The following PRMT7 variants were observed in gnomAD, a reference collection of about 807,000 sequenced individuals.
PRMT7 encodes protein arginine methyltransferase 7.
Under a neutral mutation model 85.4 loss-of-function variants are expected in PRMT7, and 75 were observed. That is an observed-to-expected ratio of 0.88 (90% CI 0.73 to 1.06). PRMT7 has a LOEUF of 1.06. PRMT7 is among the 50% of genes least tolerant of loss of function. The pLI is 0.00. For missense variants in PRMT7, 868 were observed against 915.2 expected (o/e 0.95, Z 0.67); for synonymous variants, 397 against 359.5 (o/e 1.10, Z -1.18).
At chr16:68,314,446 G>A (rs1032282548) in intron 2 of PRMT7, among the ~76,000 whole-genome samples, 3 of 152,212 alleles carry the variant, frequency 2.0e-5, no homozygotes, top group Non-Finnish European at 4.4e-5. Flanking sequence ...TGGCAAGGCT[G>A]GTCTTGAACT....
At chr16:68,334,697 C>G (rs1246409478) in intron 6 of PRMT7, among the ~76,000 whole-genome samples, 3 of 152,168 alleles carry the variant, frequency 2.0e-5, no homozygotes, top group African/African-American at 7.2e-5. Flanking sequence ...CAGACTCCCC[C>G]ACCCCGTGCC....
chr16:68,329,697 A>G (rs1018637742), intron 6 of PRMT7, among the ~76,000 whole-genome samples: 3 of 152,096 alleles, frequency 2.0e-5, no homozygotes, highest in East Asian at 1.9e-4. Context: ...GTGAAACTCT[A>G]TCTCTACTAA....
chr16:68,320,674 T>C (rs900876898), intron 3 of PRMT7, among the ~76,000 whole-genome samples: 1 of 152,166 alleles, frequency 6.6e-6, no homozygotes, highest in African/African-American at 2.4e-5. Context: ...ATGACCAGTT[T>C]TGGGGCCTGT....
chr16:68,319,506 T>A (rs1303708665), intron 3 of PRMT7, among the ~76,000 whole-genome samples: 3 of 151,278 alleles, frequency 2.0e-5, no homozygotes, highest in African/African-American at 7.3e-5. Context: ...GAGATGCCTT[T>A]TAAATAGTGA....
In PRMT7 at chr16:68,346,279, C is replaced by T; in HGVS notation, c.1190C>T (p.Thr397Ile). Reference protein sequence around the residue: ...RTDRYVQALRTVLKPDSVCLC... With the variant: ...RTDRYVQALRIVLKPDSVCLC... ...GATCGATACGTCCAGGCTCTGAGGA[C>T]CGTAAGTGTCCAGCCCCTTGGCTTG... The change falls in exon 11 of 19, where the codon ACC becomes ATC. Residue 397 changes from threonine to isoleucine, a missense_variant and splice_region_variant. Transcript: ENST00000441236. 1.2e-6 allele frequency: 2 copies of T among 1,614,138 alleles called. No individual in the cohort carries two copies. The highest frequency in any genetic ancestry group is 1.7e-6 in the Non-Finnish European group (2 of 1,179,978).
chr16:68,347,110 G>C (rs929716431), intron 11 of PRMT7, 101 bp from the exon 12 acceptor site: 5 of 1,119,160 alleles, frequency 4.5e-6, no homozygotes, highest in African/African-American at 1.6e-5. Context: ...CTGAGGTCTG[G>C]GCAAGTGGAG....
In PRMT7 at chr16:68,324,774, C is replaced by T. The variant is rs371698853; in HGVS notation, c.224C>T (p.Thr75Met). The T allele has an allele frequency of 2.5e-5, 41 of 1,613,916 alleles. No homozygotes were observed. The highest frequency in any genetic ancestry group is 4.5e-5 in the East Asian group (2 of 44,894). The change falls in exon 5 of 19, where the codon ACG (threonine) becomes ATG (methionine). Residue 75 changes from threonine (T) to methionine (M), a missense_variant. By Grantham distance (81) the Thr-to-Met change is moderately conservative. Transcript: ENST00000441236. Reference protein sequence around the residue: ...KALVLDIGTGTGLLSMMAVTA... With the variant: ...KALVLDIGTGMGLLSMMAVTA... ...TTGGTTCTCGACATTGGCACTGGCACGGGACTCTTGTCAATGATGGCGGTC... is the reference window on the plus strand; with the variant it reads ...TTGGTTCTCGACATTGGCACTGGCATGGGACTCTTGTCAATGATGGCGGTC...
At chr16:68,334,848 G>A (rs2084422048) in intron 6 of PRMT7, among the ~76,000 whole-genome samples, 1 of 151,918 alleles carries the variant, frequency 6.6e-6, no homozygotes, top group Non-Finnish European at 1.5e-5. Flanking sequence ...CCAAGATGGA[G>A]TATGGTGGGG....
chr16:68,325,216 C>T (rs553901424), intron 5 of PRMT7, among the ~76,000 whole-genome samples: 1 of 152,274 alleles, frequency 6.6e-6, no homozygotes, highest in South Asian at 2.1e-4. Context: ...TAAATATTAG[C>T]TGGGCATGGT....
intron 9 of PRMT7, among the ~76,000 whole-genome samples, chr16:68,344,933 T>TACACACACACACACACATATAC (rs1555563399): frequency 4.6e-5 from 6 of 131,130 alleles, no homozygotes; most frequent in Admixed American, 3.1e-4. Context: ...CCTGCATCTC[T>TACACACACACACACACATATAC]ACACACACAC....
chr16:68,339,623 A>AG (rs1205369533), intron 8 of PRMT7, 60 bp downstream of exon 8: 2 of 1,605,016 alleles, frequency 1.2e-6, no homozygotes, highest in Non-Finnish European at 1.7e-6. Flanking sequence ...GTTGGGTATT[A>AG]GGAGGTTCTT....
intron 3 of PRMT7, among the ~76,000 whole-genome samples, chr16:68,317,649 G>GA (rs1318279539): frequency 6.6e-6 from 1 of 152,084 alleles, no homozygotes; most frequent in East Asian, 1.9e-4. Context: ...CCAACATGGA[G>GA]AAACCCTGTC....
At chr16:68,325,647 C>T (rs879464540) in intron 5 of PRMT7, among the ~76,000 whole-genome samples, 5 of 151,954 alleles carry the variant, frequency 3.3e-5, no homozygotes, top group East Asian at 1.9e-4. Context: ...AAAAATTAGC[C>T]GGGTGTGGTG....
chr16:68,357,035 C>T lies in PRMT7; in HGVS notation c.1909-19C>T. ...GGTGCCAGGGAGCCCTCACCATCTT[C>T]CTGCTCTTCTTCCTACAGGGGGGCT... On this transcript the variant is annotated intron_variant, in intron 18 of 18. Coordinates refer to ENST00000441236, the MANE Select transcript of PRMT7 (RefSeq NM_019023.5). 1 of 1,591,224 alleles carries T rather than the reference C, an allele frequency of 6.3e-7. No individual in the cohort carries two copies.
chr16:68,338,675 T>C (rs1181171804), intron 7 of PRMT7, among the ~76,000 whole-genome samples: 3 of 152,100 alleles, frequency 2.0e-5, no homozygotes. Context: ...GTTATTCTGC[T>C]AGCCTTTTAC....
At chr16:68,347,931 T>C (rs2086654399) in intron 13 of PRMT7, among the ~76,000 whole-genome samples, 3 of 152,218 alleles carry the variant, frequency 2.0e-5, no homozygotes, top group Non-Finnish European at 1.5e-5. Context: ...TCACATAAGC[T>C]ACTGTTGCGG....
intron 9 of PRMT7, among the ~76,000 whole-genome samples, chr16:68,342,260 A>C (rs2085659676): frequency 6.6e-6 from 1 of 152,226 alleles, no homozygotes; most frequent in African/African-American, 2.4e-5. Context: ...CCTGGGTGGC[A>C]GAGCGAGACT....
chr16:68,342,034 T>G (rs113093701), intron 9 of PRMT7, among the ~76,000 whole-genome samples: 1 of 152,156 alleles, frequency 6.6e-6, no homozygotes, highest in Non-Finnish European at 1.5e-5. Context: ...TCCCAACACT[T>G]TGGGAGCCCC....
intron 7 of PRMT7, among the ~76,000 whole-genome samples, chr16:68,338,295 A>G (rs2084990898): frequency 6.6e-6 from 1 of 151,990 alleles, no homozygotes; most frequent in Non-Finnish European, 1.5e-5. Flanking sequence ...CCTTAGGTGT[A>G]GAGATATCGA....
Sources: gnomAD v4.1 joint callset for allele counts (sites outside exome capture counted in the v4.1 genomes callset) on GRCh38, gnomAD v4.1.1 for gene constraint, MANE v1.5 for transcripts, NCBI Gene and HGNC (gene_info 2026-07-23, HGNC 2026-07-21) for gene names.